TOPAZ1: variants seen among roughly 807,000 people sequenced by gnomAD.
TOPAZ1 encodes protein TOPAZ1.
A neutral mutation model predicts 172.2 loss-of-function variants in TOPAZ1; 66 were observed. That is an observed-to-expected ratio of 0.38 (90% confidence interval 0.31 to 0.47). The LOEUF (loss-of-function observed/expected upper bound fraction) is 0.47, where lower values mean the gene tolerates loss of function less well. Among genes scored for constraint, TOPAZ1 ranks in the 20% least tolerant of loss-of-function variants. The probability of loss-of-function intolerance (pLI) is 0.99; values close to 1 mark genes in which losing one functional copy is unlikely to be tolerated. For synonymous variants in TOPAZ1, 681 were observed against 683.9 expected (o/e 1.00, Z 0.07); for missense variants, 1,822 against 1,972.4 (o/e 0.92, Z 1.44).
In TOPAZ1 at chr3:44,255,168, A is replaced by G. The variant is rs1332363008; in HGVS notation, c.2827+139A>G. 3.2e-5 allele frequency: 16 copies of G among 501,934 alleles called. No individual in the cohort carries two copies. In the South Asian group the frequency reaches 3.8e-4, roughly 12 times the overall value. 31.1% of individuals were successfully genotyped at this position (501,934 alleles called of 1,614,324 possible). ...TGACCATATGTTTTATAGTTTGTCAATTTTCCTGTTTTAATTGACTGGTTG... is the reference window on the plus strand; with the variant it reads ...TGACCATATGTTTTATAGTTTGTCAGTTTTCCTGTTTTAATTGACTGGTTG... On this transcript the variant is annotated intron_variant, in intron 3 of 19. Transcript: ENST00000309765.
At chr3:44,296,925 A>G (rs189639302) in intron 12 of TOPAZ1, among the ~76,000 whole-genome samples, 18 of 151,440 alleles carry the variant, frequency 1.2e-4, no homozygotes, top group African/African-American at 4.4e-4. Context: ...TAATCTCAGC[A>G]CTTTGAGAGG....
chr3:44,242,661 C>T (rs534594007), intron 1 of TOPAZ1, among the ~76,000 whole-genome samples, 192 bp from the exon 2 acceptor site: 12 of 152,158 alleles, frequency 7.9e-5, no homozygotes, highest in Admixed American at 7.8e-4. Flanking sequence ...ATTCAGTTGC[C>T]TTAGAATTTA....
intron 2 of TOPAZ1, among the ~76,000 whole-genome samples, chr3:44,250,758 C>G (rs1228021571): frequency 6.6e-6 from 1 of 152,184 alleles, no homozygotes; most frequent in Non-Finnish European, 1.5e-5. Flanking sequence ...TCTGCTTCCT[C>G]TTTAAAGTAG....
intron 16 of TOPAZ1, among the ~76,000 whole-genome samples, chr3:44,314,762 A>C (rs969890163): frequency 1.3e-5 from 2 of 152,120 alleles, no homozygotes; most frequent in African/African-American, 4.8e-5. Context: ...GGGCTTGTTA[A>C]AACACATATT....
intron 12 of TOPAZ1, among the ~76,000 whole-genome samples, chr3:44,291,305 C>CT (rs1361372003): frequency 1.4e-5 from 2 of 145,268 alleles, no homozygotes; most frequent in African/African-American, 5.3e-5. Flanking sequence ...CTCCAAAGAC[C>CT]TTTAAAAAAA....
intron 8 of TOPAZ1, among the ~76,000 whole-genome samples, chr3:44,272,456 A>C (rs1699908891): frequency 6.6e-6 from 1 of 152,172 alleles, no homozygotes; most frequent in African/African-American, 2.4e-5. Context: ...ATGTCAGGTA[A>C]TATCTCACTG....
downstream of TOPAZ1, among the ~76,000 whole-genome samples, chr3:44,332,993 G>A (rs796253834): frequency 7.3e-6 from 1 of 137,188 alleles, no homozygotes; most frequent in Admixed American, 7.3e-5. Flanking sequence ...TTTTTTTGTG[G>A]TTTTTTTTTT....
At chr3:44,275,437 A>G (rs1699943066) in intron 8 of TOPAZ1, among the ~76,000 whole-genome samples, 1 of 152,060 alleles carries the variant, frequency 6.6e-6, no homozygotes, top group African/African-American at 2.4e-5. Context: ...CCCACGTAAG[A>G]GTGAGAATAT....
intron 4 of TOPAZ1, 45 bp from the exon 5 acceptor site, chr3:44,262,374 A>G: frequency 9.4e-7 from 1 of 1,064,470 alleles, no homozygotes; most frequent in Non-Finnish European, 1.4e-6. Context: ...AGTATGTAAT[A>G]CAGAGACCTT....
intron 11 of TOPAZ1, among the ~76,000 whole-genome samples, chr3:44,289,769 A>G (rs577977760): frequency 3.3e-5 from 5 of 152,282 alleles, no homozygotes; most frequent in African/African-American, 1.2e-4. Context: ...TTGTTTTGTT[A>G]TCCTACCCCA....
At chr3:44,277,994 T>C (rs1699982266) in intron 8 of TOPAZ1, among the ~76,000 whole-genome samples, 1 of 152,216 alleles carries the variant, frequency 6.6e-6, no homozygotes, top group Admixed American at 6.5e-5. Context: ...GATATTTCTT[T>C]ATAGCAATGC....
chr3:44,269,237 A>G lies in TOPAZ1; in HGVS notation c.3182A>G (p.His1061Arg), dbSNP rs1699866503. The change falls in exon 7 of 20, where the codon CAT (histidine) becomes CGT (arginine). Residue 1061 changes from histidine (H) to arginine (R), a missense_variant. By Grantham distance (29) the His-to-Arg change is conservative (BLOSUM62 0). This residue lies in a region of TOPAZ1 where 1,489 missense variants were observed against 1,490.8 expected (regional missense o/e 1.00). Coordinates refer to ENST00000309765, the MANE Select transcript of TOPAZ1 (RefSeq NM_001145030.2). ...CTAGATTTCAGATTTCTGGGAAAACATTCTGTCCTAAAGCTGCAGAATCCT... is the reference window on the plus strand; with the variant it reads ...CTAGATTTCAGATTTCTGGGAAAACGTTCTGTCCTAAAGCTGCAGAATCCT... ...WMNDFRFLGK[H>R]SVLKLQNPET... is the part of the protein sequence containing the mutation. 1 of 1,549,034 alleles carries G rather than the reference A, an allele frequency of 6.5e-7. No individual in the cohort carries two copies.
At chr3:44,257,234 G>A (rs1429146039) in intron 4 of TOPAZ1, among the ~76,000 whole-genome samples, 2 of 151,884 alleles carry the variant, frequency 1.3e-5, no homozygotes, top group Admixed American at 6.6e-5. Context: ...ACTTGGCGGG[G>A]TGGAGGTGGG....
intron 2 of TOPAZ1, among the ~76,000 whole-genome samples, chr3:44,251,420 C>T (rs573234744): frequency 6.6e-6 from 1 of 152,218 alleles, no homozygotes; most frequent in Non-Finnish European, 1.5e-5. Flanking sequence ...CTATGCTAAG[C>T]CCTAAACTTT....
chr3:44,283,224 TTG>T (rs1294537949), intron 9 of TOPAZ1, among the ~76,000 whole-genome samples: 2 of 152,160 alleles, frequency 1.3e-5, no homozygotes, highest in Non-Finnish European at 2.9e-5. Context: ...ATGTAGAAAG[TTG>T]TCAAGAACCT....
chr3:44,287,880 A>G (rs1700096782), intron 11 of TOPAZ1, 41 bp downstream of exon 11: 1 of 1,005,796 alleles, frequency 9.9e-7, no homozygotes, highest in Non-Finnish European at 1.5e-6. Context: ...ATGGCGAGTA[A>G]CCAAGAAAAT....
chr3:44,256,408 A>G, intron 4 of TOPAZ1, 130 bp downstream of exon 4: 1 of 834,838 alleles, frequency 1.2e-6, no homozygotes, highest in Non-Finnish European at 1.8e-6. Flanking sequence ...ACGTCACTCT[A>G]GCCATGGGAT....
In TOPAZ1 at chr3:44,290,772, T is replaced by G; in HGVS notation, c.3683T>G (p.Leu1228Arg). 6.5e-7 allele frequency: 1 copy of G among 1,538,976 alleles called. No homozygotes were observed. Among genetic ancestry groups the G allele is most frequent in the Non-Finnish European group, 8.8e-7 (1 of 1,139,526 alleles). The change falls in exon 12 of 20, where the codon CTT (leucine) becomes CGT (arginine). Residue 1228 changes from leucine (L) to arginine (R), a missense_variant and splice_region_variant. Physicochemically the swap from Leu to Arg is moderately radical, Grantham distance 102 (BLOSUM62 -2). This residue lies in a region of TOPAZ1 where 1,489 missense variants were observed against 1,490.8 expected (regional missense o/e 1.00). Coordinates refer to ENST00000309765, the MANE Select transcript of TOPAZ1 (RefSeq NM_001145030.2). ...CACTCTTTCTTTTCTCTTCTACAGC[T>G]TGTTGAAGCCGGGATGGTGCTTGAC... ...VPALIDIFCKLVEAGMVLDPE... is the reference protein window; with the variant it reads ...VPALIDIFCKRVEAGMVLDPE...
In TOPAZ1 at chr3:44,315,104, G is replaced by A. The variant is rs1044820415; in HGVS notation, c.4306+5114G>A. On this transcript the variant is annotated intron_variant, in intron 16 of 19. Coordinates refer to ENST00000309765, the MANE Select transcript of TOPAZ1 (RefSeq NM_001145030.2). ...TAAATATTTAGTAAATATTAGTTGAGGTGGATGGATGGATGGATGGATGGA... is the reference window on the plus strand; with the variant it reads ...TAAATATTTAGTAAATATTAGTTGAAGTGGATGGATGGATGGATGGATGGA... 2.1e-5 allele frequency among the ~76,000 whole-genome samples: 3 copies of A among 140,508 alleles called. No individual in the cohort carries two copies. In the South Asian group the frequency reaches 7.6e-4, roughly 36 times the overall value. The allele number at this position is 140,508 out of a possible 152,430, so 92.2% of individuals were successfully genotyped here.
Sources: allele counts gnomAD v4.1 joint callset (sites outside exome capture counted in the v4.1 genomes callset), GRCh38; gene constraint gnomAD v4.1.1; regional missense constraint gnomAD v4.1.1; transcripts MANE v1.5; gene names NCBI Gene and HGNC (gene_info 2026-07-23, HGNC 2026-07-21).